The following MTUS2 variants were observed in gnomAD, a reference collection of about 807,000 sequenced individuals.
MTUS2 encodes microtubule-associated tumor suppressor candidate 2.
In MTUS2, 40 loss-of-function variants were observed where a neutral mutation model predicts 114.1. The observed-to-expected ratio is 0.35, with a 90% CI of 0.27 to 0.46. The LOEUF is 0.46. Among genes scored for constraint, MTUS2 ranks in the 20% least tolerant of loss-of-function variants. The probability of loss-of-function intolerance (pLI) is 1.00; values close to 1 mark genes in which losing one functional copy is unlikely to be tolerated. For synonymous variants in MTUS2, 688 were observed against 672.0 expected, an observed-to-expected ratio of 1.02 and a Z score of -0.37; for missense variants, 1,679 against 1,705.4, an observed-to-expected ratio of 0.98 and a Z score of 0.27.
chr13:29,503,070 C>A lies in MTUS2; in HGVS notation c.3974C>A (p.Thr1325Asn). ...CAGGAGAAGAAGAGATTGAGCCGAA[C>A]CAATGAAGAGCTGCTTTGGAAGCTC... ...ETQEKKRLSR[T>N]NEELLWKLQT... The change falls in exon 16 of 16, where the codon ACC becomes AAC. Residue 1325 changes from threonine (T) to asparagine (N), a missense_variant. Physicochemically the swap from Thr to Asn is moderately conservative, Grantham distance 65 (BLOSUM62 0). This residue lies in a region of MTUS2 where 822 missense variants were observed against 899.7 expected (regional missense o/e 0.91). Coordinates refer to ENST00000612955, the MANE Select transcript of MTUS2 (RefSeq NM_001033602.4). 2 of 1,614,236 alleles carry A rather than the reference C, an allele frequency of 1.2e-6. No individual in the cohort carries two copies. Among genetic ancestry groups the A allele is most frequent in the Non-Finnish European group, 1.7e-6 (2 of 1,180,040 alleles).
intron 9 of MTUS2, among the ~76,000 whole-genome samples, chr13:29,445,839 C>T (rs1360092307): frequency 6.6e-5 from 10 of 151,550 alleles, no homozygotes; most frequent in Admixed American, 3.9e-4. Context: ...ACCTGGGAGG[C>T]GGATGTTGCA....
chr13:28,874,670 G>A (rs1366568718), intron 2 of MTUS2, among the ~76,000 whole-genome samples: 1 of 152,158 alleles, frequency 6.6e-6, no homozygotes, highest in Non-Finnish European at 1.5e-5. Flanking sequence ...GGTAGAAGCT[G>A]CAATGACGTA....
At chr13:29,116,522 G>GT (rs1249722566) in intron 5 of MTUS2, among the ~76,000 whole-genome samples, 1 of 152,098 alleles carries the variant, frequency 6.6e-6, no homozygotes, top group African/African-American at 2.4e-5. Flanking sequence ...CATATACCGT[G>GT]TTTTTTCCTA....
chr13:29,434,026 C>T (rs1035550678), intron 8 of MTUS2, among the ~76,000 whole-genome samples: 4 of 152,002 alleles, frequency 2.6e-5, no homozygotes, highest in Admixed American at 6.6e-5. Flanking sequence ...TTTCCTGATC[C>T]ACACGGATTT....
chr13:29,004,117 G>A (rs746845930), intron 2 of MTUS2, among the ~76,000 whole-genome samples: 5 of 152,152 alleles, frequency 3.3e-5, no homozygotes, highest in East Asian at 3.9e-4. Flanking sequence ...CTGCCAGCCC[G>A]AAACAATGAC....
intron 5 of MTUS2, among the ~76,000 whole-genome samples, chr13:29,218,047 G>A (rs1267406132): frequency 6.6e-6 from 1 of 151,924 alleles, no homozygotes; most frequent in East Asian, 1.9e-4. Flanking sequence ...AGTCCAGGAG[G>A]TCATGGCTGC....
chr13:28,967,536 T>C (rs1191085871), intron 2 of MTUS2, among the ~76,000 whole-genome samples: 1 of 152,200 alleles, frequency 6.6e-6, no homozygotes, highest in African/African-American at 2.4e-5. Flanking sequence ...TGTGCTGTTA[T>C]TGTCATCATC....
intron 5 of MTUS2, among the ~76,000 whole-genome samples, chr13:29,271,078 G>A (rs189161132): frequency 6.6e-6 from 1 of 152,338 alleles, no homozygotes; most frequent in Non-Finnish European, 1.5e-5. Context: ...TCTGGGGCCT[G>A]TAACCTTAAG....
chr13:29,398,802 C>G (rs1005769090), intron 8 of MTUS2, among the ~76,000 whole-genome samples: 6 of 152,108 alleles, frequency 3.9e-5, no homozygotes, highest in African/African-American at 1.4e-4. Context: ...ACATTAGGGT[C>G]AGTAGAGACA....
In MTUS2 at chr13:29,025,921, A is replaced by G; in HGVS notation, c.1223A>G (p.Asn408Ser). 1.2e-6 allele frequency: 2 copies of G among 1,613,856 alleles called. No homozygotes were observed. The highest frequency in any genetic ancestry group is 1.7e-6 in the Non-Finnish European group (2 of 1,179,800). ...TCTGCTTCCTTAGGAGGGGCTGATA[A>G]TCAGCCCACTGGCAAAATTTCACCA... ...QGSASLGGAD[N>S]QPTGKISPCA... is the part of the protein sequence containing the mutation. Residue 408 changes from asparagine (N) to serine (S), a missense_variant, in exon 3 of 16, where the codon AAT (asparagine) becomes AGT (serine). Physicochemically the swap from Asn to Ser is conservative, Grantham distance 46. This residue lies in a region of MTUS2 where 843 missense variants were observed against 770.8 expected (regional missense o/e 1.09). Transcript: ENST00000612955.
chr13:29,101,806 C>A (rs186562307), intron 5 of MTUS2, among the ~76,000 whole-genome samples: 1 of 152,092 alleles, frequency 6.6e-6, no homozygotes, highest in Non-Finnish European at 1.5e-5. Flanking sequence ...TGGAATAATT[C>A]GAAAGAGAGA....
At chr13:29,342,650 T>G (rs1258148573) in intron 7 of MTUS2, among the ~76,000 whole-genome samples, 1 of 152,188 alleles carries the variant, frequency 6.6e-6, no homozygotes, top group Non-Finnish European at 1.5e-5. Context: ...TGCCCTTTAT[T>G]TCTTTCTCTT....
At chr13:28,861,968 A>C (rs1877014218) in intron 2 of MTUS2, among the ~76,000 whole-genome samples, 1 of 152,136 alleles carries the variant, frequency 6.6e-6, no homozygotes, top group South Asian at 2.1e-4. Flanking sequence ...ACTCCCAAAA[A>C]TGTGTGGGAA....
chr13:29,396,783 T>G (rs1555273760), intron 8 of MTUS2, among the ~76,000 whole-genome samples: 1 of 152,206 alleles, frequency 6.6e-6, no homozygotes, highest in Non-Finnish European at 1.5e-5. Flanking sequence ...GCCAGGATCA[T>G]GGGGGCAACC....
chr13:29,146,437 T>C (rs1325411968), intron 5 of MTUS2, among the ~76,000 whole-genome samples: 2 of 152,140 alleles, frequency 1.3e-5, no homozygotes, highest in African/African-American at 4.8e-5. Context: ...CATTTCTTAA[T>C]CCAAAGATTT....
chr13:29,422,300 A>C (rs1340896337), intron 8 of MTUS2, among the ~76,000 whole-genome samples: 1 of 152,216 alleles, frequency 6.6e-6, no homozygotes, highest in Admixed American at 6.5e-5. Flanking sequence ...GTGCAACCTC[A>C]GAGCCTCATT....
At chr13:29,488,172 A>T in intron 11 of MTUS2, 167 bp downstream of exon 11, 2 of 610,330 alleles carry the variant, frequency 3.3e-6, no homozygotes, top group East Asian at 5.6e-5. Flanking sequence ...GATAGGAATT[A>T]AGGATCCAGG....
chr13:28,918,236 TC>T (rs1880853923), intron 2 of MTUS2, among the ~76,000 whole-genome samples: 1 of 151,998 alleles, frequency 6.6e-6, no homozygotes, highest in Non-Finnish European at 1.5e-5. Flanking sequence ...TTGTTGATTT[TC>T]TGTTTGGAAG....
chr13:28,879,117 A>C (rs896095035), intron 2 of MTUS2, among the ~76,000 whole-genome samples: 12 of 152,062 alleles, frequency 7.9e-5, no homozygotes, highest in African/African-American at 1.4e-4. Context: ...TGGCTGCATG[A>C]ATGTCTTCTT....
Sources: allele counts gnomAD v4.1 joint callset (sites outside exome capture counted in the v4.1 genomes callset), GRCh38; gene constraint gnomAD v4.1.1; regional missense constraint gnomAD v4.1.1; transcripts MANE v1.5; gene names NCBI Gene and HGNC (gene_info 2026-07-23, HGNC 2026-07-21).